Variants in RTF1 observed in about 807,000 individuals in gnomAD.
RTF1 encodes the protein RTF1 homolog, Paf1/RNA polymerase II complex component, also known as RNA polymerase-associated protein RTF1 homolog.
In RTF1, 10 loss-of-function variants were observed where a neutral mutation model predicts 95.7. That is an observed-to-expected ratio of 0.10 (90% CI 0.06 to 0.18). The LOEUF is 0.18. Among genes scored for constraint, RTF1 ranks in the 10% least tolerant of loss-of-function variants. The pLI is 1.00. For missense variants in RTF1, 458 were observed against 875.6 expected, an observed-to-expected ratio of 0.52 and a Z score of 6.02; for synonymous variants, 305 against 311.8, an observed-to-expected ratio of 0.98 and a Z score of 0.23.
chr15:41,481,615 C>G lies in RTF1; in HGVS notation c.*928C>G, dbSNP rs1057186107. ...AGGTACCAGGGAGGGCAGTGAATGT[C>G]TTGCTCTTCCCATGGGTACAGCCCA... is the stretch of plus-strand genomic sequence containing the variant. On this transcript the variant is annotated 3_prime_UTR_variant, in exon 18 of 18. Coordinates refer to ENST00000389629, the MANE Select transcript of RTF1 (RefSeq NM_015138.5). The G allele has an allele frequency of 6.6e-6, 1 of 152,464 alleles. No individual in the cohort carries two copies. Among genetic ancestry groups the G allele is most frequent in the Non-Finnish European group, 1.5e-5 (1 of 68,048 alleles). The allele number at this position is 152,464 out of a possible 1,614,324, so 9.4% of individuals were successfully genotyped here.
At chr15:41,426,883 C>T (rs551162888) in intron 1 of RTF1, among the ~76,000 whole-genome samples, 1 of 147,434 alleles carries the variant, frequency 6.8e-6, no homozygotes, top group African/African-American at 2.5e-5. Flanking sequence ...ACTCTGTTGC[C>T]CAGGCTGGAG....
At chr15:41,428,786 G>C (rs2050652963) in intron 1 of RTF1, among the ~76,000 whole-genome samples, 1 of 151,802 alleles carries the variant, frequency 6.6e-6, no homozygotes, top group Non-Finnish European at 1.5e-5. Context: ...TGCCCAGGCT[G>C]GAGTGCAGTG....
At chr15:41,452,375 G>C (rs931622964) in intron 2 of RTF1, among the ~76,000 whole-genome samples, 1 of 152,138 alleles carries the variant, frequency 6.6e-6, no homozygotes, top group African/African-American at 2.4e-5. Context: ...GGTCAAGGCT[G>C]CTAAGAGCCC....
At chr15:41,449,548 T>TCACA (rs529091394) in intron 2 of RTF1, among the ~76,000 whole-genome samples, 115 of 152,218 alleles carry the variant, frequency 7.6e-4, no homozygotes, top group African/African-American at 2.7e-3. Context: ...TTGCTATGTT[T>TCACA]CACAGGGTGG....
rs565934707 is a variant in RTF1, at chr15:41,477,978, C to T, written c.1740+463C>T. Among the ~76,000 whole-genome samples the T allele has an allele frequency of 2.0e-5, 3 of 152,010 alleles. No individual in the cohort carries two copies. The South Asian group carries it at 6.2e-4, about 32-fold the overall frequency. ...AAAATGAGCCGGACATGGTGGTGCACGCCTGTAATCCCAGCTACTTGGGAG... is the reference window on the plus strand; with the variant it reads ...AAAATGAGCCGGACATGGTGGTGCATGCCTGTAATCCCAGCTACTTGGGAG... On this transcript the variant is annotated intron_variant, in intron 14 of 17. Transcript: ENST00000389629.
rs2050978566 is a variant in RTF1, at chr15:41,482,045, AC to A, written c.*1359del. The A allele has an allele frequency of 6.6e-6, 1 of 152,206 alleles. No homozygotes were observed. The highest frequency in any genetic ancestry group is 1.5e-5 in the Non-Finnish European group (1 of 68,074). 9.4% of individuals were successfully genotyped at this position (152,206 alleles called of 1,614,324 possible). A position where few individuals can be genotyped will look rare whatever the true frequency, so the allele number is the denominator to read the frequency against. ...TGGTGAGCCAAGATCGTGCCACTGC[AC>A]TCCAGTCTGGGTGACAGAGTGAGAC... On this transcript the variant is annotated 3_prime_UTR_variant, in exon 18 of 18. Coordinates refer to ENST00000389629, the MANE Select transcript of RTF1 (RefSeq NM_015138.5).
At chr15:41,462,581 A>G (rs192475251) in intron 4 of RTF1, among the ~76,000 whole-genome samples, 31 of 152,308 alleles carry the variant, frequency 2.0e-4, no homozygotes, top group Admixed American at 1.8e-3. Flanking sequence ...AAAATAACCC[A>G]CTTAAAGTGT....
chr15:41,471,583 C>T (rs1014570284), intron 8 of RTF1, among the ~76,000 whole-genome samples: 1 of 152,278 alleles, frequency 6.6e-6, no homozygotes, highest in South Asian at 2.1e-4. Context: ...ATAATTTTCT[C>T]TATTCTCCCT....
chr15:41,419,918 C>A (rs969872699), intron 1 of RTF1, among the ~76,000 whole-genome samples: 1 of 152,150 alleles, frequency 6.6e-6, no homozygotes, highest in Admixed American at 6.6e-5. Context: ...CCACTGGGTT[C>A]AAGCGATTCT....
rs555364246 is a variant in RTF1 at position 41,482,436 on chromosome 15, T to C, written c.*1749T>C. 1.3e-5 allele frequency: 2 copies of C among 152,614 alleles called. No homozygotes were observed. Among genetic ancestry groups the C allele is most frequent in the African/African-American group, 4.8e-5 (2 of 41,584 alleles). 9.5% of individuals were successfully genotyped at this position (152,614 alleles called of 1,614,324 possible). On this transcript the variant is annotated 3_prime_UTR_variant, in exon 18 of 18. Coordinates refer to ENST00000389629, the MANE Select transcript of RTF1 (RefSeq NM_015138.5). ...GCTTTCGTACAAGGAAGGGGGACGA[T>C]GGGAAATCATGGACTTGTAAGTTGT... is the stretch of plus-strand genomic sequence containing the variant.
At chr15:41,426,910 C>T (rs865875958) in intron 1 of RTF1, among the ~76,000 whole-genome samples, 27 of 149,240 alleles carry the variant, frequency 1.8e-4, no homozygotes, top group Middle Eastern at 6.8e-3. Context: ...GGTGTGATCT[C>T]GGCTCACTGC....
At chr15:41,454,387 G>A (rs1000925479) in intron 3 of RTF1, among the ~76,000 whole-genome samples, 3 of 151,744 alleles carry the variant, frequency 2.0e-5, no homozygotes, top group African/African-American at 2.4e-5. Flanking sequence ...CGCCACACCC[G>A]GCCATAAAAA....
intron 2 of RTF1, chr15:41,448,931 C>A (rs1386321422): frequency 1.3e-5 from 2 of 151,862 alleles, no homozygotes; most frequent in Non-Finnish European, 2.9e-5. Flanking sequence ...GTCACCCAGG[C>A]TGGAGTTCAG....
In RTF1 at chr15:41,417,879, C is replaced by T. The variant is rs187798050; in HGVS notation, c.198+566C>T. Among the ~76,000 whole-genome samples the T allele has an allele frequency of 5.9e-5, 9 of 152,160 alleles. No individual in the cohort carries two copies. In the East Asian group the frequency reaches 1.7e-3, roughly 29 times the overall value. ...TAGCTGTGGGCACGAGTTTATTTGG[C>T]GACTAGGGTCGTTTGTGTTTGAGAA... On this transcript the variant is annotated intron_variant, in intron 1 of 17. Coordinates refer to ENST00000389629, the MANE Select transcript of RTF1 (RefSeq NM_015138.5).
intron 10 of RTF1, 38 bp downstream of exon 10, chr15:41,475,650 C>T (rs564415279): frequency 5.0e-6 from 8 of 1,600,838 alleles, no homozygotes; most frequent in East Asian, 4.5e-5. Context: ...TGTTCGTGCA[C>T]GTTGAGAAAA....
At chr15:41,473,143 T>G (rs935427214) in intron 8 of RTF1, among the ~76,000 whole-genome samples, 3 of 152,124 alleles carry the variant, frequency 2.0e-5, no homozygotes, top group Non-Finnish European at 4.4e-5. Context: ...TGTTTTGTTT[T>G]GTTTTTTTGA....
At chr15:41,430,926 A>G (rs1454292272) in intron 1 of RTF1, among the ~76,000 whole-genome samples, 1 of 151,946 alleles carries the variant, frequency 6.6e-6, no homozygotes, top group African/African-American at 2.4e-5. Flanking sequence ...GTATTGAGAC[A>G]GAGTCTTGCA....
intron 14 of RTF1, 138 bp from the exon 15 acceptor site, chr15:41,478,410 T>TA (rs397945744): frequency 0.071 from 37,162 of 526,296 alleles, 109 homozygotes; most frequent in African/African-American, 0.089. Context: ...CAAAAAAAAT[T>TA]AAAAAAAAAA....
At chr15:41,478,920 T>C in intron 15 of RTF1, 183 bp from the exon 16 acceptor site, 1 of 613,730 alleles carries the variant, frequency 1.6e-6, no homozygotes, top group South Asian at 2.0e-5. Flanking sequence ...TGGGCTGGGC[T>C]TGGCTTTCAA....
Sources: gnomAD v4.1 joint callset for allele counts (sites outside exome capture counted in the v4.1 genomes callset) on GRCh38, gnomAD v4.1.1 for gene constraint, MANE v1.5 for transcripts, NCBI Gene and HGNC (gene_info 2026-07-23, HGNC 2026-07-21) for gene names.